PLEKHA4: variants seen among roughly 807,000 people sequenced by gnomAD.
PLEKHA4 encodes pleckstrin homology domain-containing family A member 4.
In PLEKHA4, 73 loss-of-function variants were observed where a neutral mutation model predicts 94.7. That is an observed-to-expected ratio of 0.77 (90% CI 0.64 to 0.94). The LOEUF (loss-of-function observed/expected upper bound fraction) is 0.94, where lower values mean the gene tolerates loss of function less well. PLEKHA4 is among the 40% of genes least tolerant of loss of function. PLEKHA4 has a pLI of 0.00. For missense variants in PLEKHA4, 1,049 were observed against 1,054.1 expected (o/e 1.00, Z 0.07); for synonymous variants, 449 against 437.1 (o/e 1.03, Z -0.34).
At chr19:48,857,608 A>T (rs1031999076) in intron 8 of PLEKHA4, 112 bp from the exon 9 acceptor site, 13 of 667,894 alleles carry the variant, frequency 1.9e-5, no homozygotes, top group Non-Finnish European at 3.5e-5. Flanking sequence ...TTGATCTATG[A>T]CCTTACCCCC....
Position 48,852,333 on chromosome 19 carries a change from T to A in PLEKHA4, c.1327-7A>T. 6.2e-7 allele frequency: 1 copy of A among 1,611,354 alleles called. No individual in the cohort carries two copies. The highest frequency in any genetic ancestry group is 8.5e-7 in the Non-Finnish European group (1 of 1,177,592). On this transcript the variant is annotated splice_polypyrimidine_tract_variant and splice_region_variant and intron_variant, in intron 12 of 19. Transcript: ENST00000263265. Reference sequence around the variant, plus strand: ...CCCAAACCCTCTCTCGCTCCTCAGGTTGCATAAAGGGGGAGACATAGGTTA... The same window carrying A: ...CCCAAACCCTCTCTCGCTCCTCAGGATGCATAAAGGGGGAGACATAGGTTA...
chr19:48,838,153 G>A (rs749633712), intron 18 of PLEKHA4, 24 bp from the exon 19 acceptor site: 6 of 1,512,534 alleles, frequency 4.0e-6, no homozygotes, highest in Non-Finnish European at 1.8e-6. Flanking sequence ...GAAGATTGGG[G>A]GTGGGGGTGT....
intron 12 of PLEKHA4, 140 bp from the exon 13 acceptor site, chr19:48,852,466 T>C (rs1227991615): frequency 3.1e-6 from 2 of 640,660 alleles, no homozygotes; most frequent in Non-Finnish European, 5.6e-6. Flanking sequence ...ACAATTCCCA[T>C]GGGCCTCTTT....
chr19:48,861,069 G>A lies in PLEKHA4; in HGVS notation c.366+332C>T, dbSNP rs769796820. ...TAAAAATACAAAAAATTAGCCAGGC[G>A]TGGTGGCGTGCGCCTGTAATCCCAG... On this transcript the variant is annotated intron_variant, in intron 5 of 19. Coordinates refer to ENST00000263265, the MANE Select transcript of PLEKHA4 (RefSeq NM_020904.3). Among the ~76,000 whole-genome samples the A allele has an allele frequency of 8.5e-5, 13 of 152,048 alleles. No homozygotes were observed. In the East Asian group the frequency reaches 1.7e-3, roughly 20 times the overall value.
rs181900548 is a variant in PLEKHA4 at position 48,837,330 on chromosome 19, C to G, written c.2299G>C (p.Ala767Pro). 1.1e-4 allele frequency: 182 copies of G among 1,613,948 alleles called. 1 individual carries two copies. The East Asian group carries it at 4.0e-3, about 36-fold the overall frequency. Residue 767 changes from alanine (A) to proline (P), a missense_variant, in exon 20 of 20, where the codon GCA becomes CCA. Coordinates refer to ENST00000263265, the MANE Select transcript of PLEKHA4 (RefSeq NM_020904.3). This position sits in a 1 kb window ranked among gnomAD's most constrained non-coding sequence, Gnocchi z 4.3. Reference sequence around the variant, plus strand: ...AGCAGAGTGACTCGCAGAGGCCATGCCCCCTCGTCTTGTGGCAGGACCGGA... The same window carrying G: ...AGCAGAGTGACTCGCAGAGGCCATGGCCCCTCGTCTTGTGGCAGGACCGGA... ...APPVLPQDEG[A>P]WPLRVTLLQS... is the part of the protein sequence containing the mutation.
chr19:48,853,406 C>G (rs2036276440), intron 12 of PLEKHA4, among the ~76,000 whole-genome samples: 1 of 151,924 alleles, frequency 6.6e-6, no homozygotes, highest in South Asian at 2.1e-4. Flanking sequence ...TGGCACATGC[C>G]TGTAATCCCA....
At chr19:48,866,614 T>C (rs1483445410) in intron 2 of PLEKHA4, among the ~76,000 whole-genome samples, 4 of 152,086 alleles carry the variant, frequency 2.6e-5, no homozygotes, top group Non-Finnish European at 4.4e-5. Flanking sequence ...GCCGAGACTC[T>C]TTTTTTGATG....
chr19:48,842,617 G>A (rs796921719), intron 16 of PLEKHA4, among the ~76,000 whole-genome samples: 3 of 152,288 alleles, frequency 2.0e-5, no homozygotes, highest in Admixed American at 1.3e-4. Flanking sequence ...CCCAACATCT[G>A]CTACCCATAG....
rs1389688286 is a variant in PLEKHA4 at position 48,859,640 on chromosome 19, G to A, written c.521C>T (p.Pro174Leu). ...SPARPQPGEG[P>L]GGPGGPPEVS... ...CTCCGGGGGACCACCGGGGCCGCCG[G>A]GGCCCTCCCCGGGCTGGGGTCGTGC... The change falls in exon 7 of 20, where the codon CCC (proline) becomes CTC (leucine). Residue 174 changes from proline to leucine, a missense_variant. By Grantham distance (98) the Pro-to-Leu change is moderately conservative. Transcript: ENST00000263265. The A allele has an allele frequency of 1.2e-6, 2 of 1,612,696 alleles. No homozygotes were observed. The highest frequency in any genetic ancestry group is 1.1e-5 in the South Asian group (1 of 91,072).
intron 12 of PLEKHA4, among the ~76,000 whole-genome samples, chr19:48,852,799 G>A (rs531072307): frequency 6.6e-6 from 1 of 152,236 alleles, no homozygotes; most frequent in Non-Finnish European, 1.5e-5. Flanking sequence ...CAGGAATGGT[G>A]GCGAGGGCCT....
chr19:48,859,701 G>A lies in PLEKHA4; in HGVS notation c.477-17C>T, dbSNP rs1202493167. 1.2e-6 allele frequency: 2 copies of A among 1,604,006 alleles called. No homozygotes were observed. The highest frequency in any genetic ancestry group is 1.7e-6 in the Non-Finnish European group (2 of 1,175,186). Reference sequence around the variant, plus strand: ...GGTTGCCCACTAGCGAGTGGACATAGACAAGATATCACTCCTTCGAACTTC... The same window carrying A: ...GGTTGCCCACTAGCGAGTGGACATAAACAAGATATCACTCCTTCGAACTTC... On this transcript the variant is annotated splice_polypyrimidine_tract_variant and intron_variant, in intron 6 of 19. Transcript: ENST00000263265.
chr19:48,855,802 A>T (rs1217393165), intron 9 of PLEKHA4, among the ~76,000 whole-genome samples: 1 of 150,638 alleles, frequency 6.6e-6, no homozygotes, highest in African/African-American at 2.4e-5. Flanking sequence ...AAAATAAATA[A>T]TTTTTTTTAA....
In PLEKHA4 at chr19:48,859,191, C is replaced by T. The variant is rs1347896770; in HGVS notation, c.693-52G>A. On this transcript the variant is annotated intron_variant, in intron 7 of 19. Transcript: ENST00000263265. Reference sequence around the variant, plus strand: ...TGAGTCAACTAGAGCCCTCTCCATCCACCTCCTTACCCATCAAGTCAGCCT... The same window carrying T: ...TGAGTCAACTAGAGCCCTCTCCATCTACCTCCTTACCCATCAAGTCAGCCT... 6.8e-6 allele frequency: 9 copies of T among 1,331,880 alleles called. No homozygotes were observed. In the East Asian group the frequency reaches 2.0e-4, roughly 30 times the overall value. The allele number at this position is 1,331,880 out of a possible 1,614,324, so 82.5% of individuals were successfully genotyped here.
chr19:48,857,614 C>T (rs1271351529), intron 8 of PLEKHA4, 118 bp from the exon 9 acceptor site: 3 of 649,534 alleles, frequency 4.6e-6, no homozygotes, highest in Non-Finnish European at 8.3e-6. Flanking sequence ...TATGACCTTA[C>T]CCCCAACCCT....
Position 48,865,484 on chromosome 19 carries a change from C to T in PLEKHA4, c.192+19G>A, listed in dbSNP as rs764957937. The T allele has an allele frequency of 6.3e-7, 1 of 1,596,870 alleles. No individual in the cohort carries two copies. The highest frequency in any genetic ancestry group is 1.7e-5 in the Admixed American group (1 of 59,866). ...GGGCACAGACTTCAGTGTCCTTTTC[C>T]TTCTCCTACTGACCCCACCTGCTTA... On this transcript the variant is annotated intron_variant, in intron 3 of 19. Coordinates refer to ENST00000263265, the MANE Select transcript of PLEKHA4 (RefSeq NM_020904.3).
chr19:48,863,433 T>G (rs1338363706), intron 3 of PLEKHA4, among the ~76,000 whole-genome samples: 2 of 64,796 alleles, frequency 3.1e-5, no homozygotes, highest in Non-Finnish European at 5.9e-5. Context: ...AGGTTTTTTG[T>G]TTTTTTTTTT....
chr19:48,860,063 CCAAT>C, intron 6 of PLEKHA4: 1 of 562,842 alleles, frequency 1.8e-6, no homozygotes. Flanking sequence ...TCAGAAGGAG[CCAAT>C]CAGAGAGTGT....
At chr19:48,849,282 G>C (rs959990340) in intron 13 of PLEKHA4, among the ~76,000 whole-genome samples, 19 of 151,884 alleles carry the variant, frequency 1.3e-4, no homozygotes, top group Non-Finnish European at 1.0e-4. Context: ...TTAAAACTAG[G>C]CATCAATGGT....
Position 48,867,700 on chromosome 19 carries a change from A to G in PLEKHA4, c.-6-74T>C. ...GACAGAGATGGGGTCAGGGGCTTGGAGGTCGGAGGAGGCTGCAGAGAAAGA... is the reference window on the plus strand; with the variant it reads ...GACAGAGATGGGGTCAGGGGCTTGGGGGTCGGAGGAGGCTGCAGAGAAAGA... On this transcript the variant is annotated intron_variant, in intron 1 of 19. Coordinates refer to ENST00000263265, the MANE Select transcript of PLEKHA4 (RefSeq NM_020904.3). This position sits in a 1 kb window ranked among gnomAD's most constrained non-coding sequence, Gnocchi z 4.7. 1 of 1,354,318 alleles carries G rather than the reference A, an allele frequency of 7.4e-7. No individual in the cohort carries two copies. The highest frequency in any genetic ancestry group is 1.0e-6 in the Non-Finnish European group (1 of 978,866). 83.9% of individuals were successfully genotyped at this position (1,354,318 alleles called of 1,614,324 possible). A position where few individuals can be genotyped will look rare whatever the true frequency, so the allele number is the denominator to read the frequency against.
Sources: allele counts gnomAD v4.1 joint callset (sites outside exome capture counted in the v4.1 genomes callset), GRCh38; gene constraint gnomAD v4.1.1; non-coding constraint Gnocchi (gnomAD v3.1); transcripts MANE v1.5; gene names NCBI Gene and HGNC (gene_info 2026-07-23, HGNC 2026-07-21).